The following PCDHA13 variants were observed in gnomAD, a reference collection of about 807,000 sequenced individuals.
The protein encoded by PCDHA13 is protocadherin alpha-13.
Under a neutral mutation model 64.8 loss-of-function variants are expected in PCDHA13, and 54 were observed. The observed-to-expected ratio is 0.83, with a 90% confidence interval of 0.67 to 1.04. The LOEUF is 1.04. PCDHA13 is among the 50% of genes least tolerant of loss of function. PCDHA13 has a pLI of 0.00. For missense variants in PCDHA13, 1,248 were observed against 1,254.3 expected (o/e 0.99, Z 0.08); for synonymous variants, 587 against 564.4 (o/e 1.04, Z -0.57).
At chr5:141,007,527 C>T (rs1184006315) in intron 3 of PCDHA13, among the ~76,000 whole-genome samples, 1 of 152,070 alleles carries the variant, frequency 6.6e-6, no homozygotes, top group Non-Finnish European at 1.5e-5. Flanking sequence ...GATATCTCGC[C>T]ACTGCACTCC....
At chr5:140,982,241 T>G in intron 2 of PCDHA13, 1 of 696,668 alleles carries the variant, frequency 1.4e-6, no homozygotes, top group South Asian at 3.3e-5. Context: ...AGAATTGCCA[T>G]AAAGATAGAA....
intron 1 of PCDHA13, among the ~76,000 whole-genome samples, chr5:140,903,060 T>C (rs1412957275): frequency 6.6e-6 from 1 of 152,316 alleles, no homozygotes; most frequent in East Asian, 1.9e-4. Flanking sequence ...TGACTTCTTT[T>C]CCTTTGGGTA....
intron 1 of PCDHA13, chr5:140,968,494 C>G (rs782064203): frequency 1.2e-6 from 2 of 1,614,096 alleles, no homozygotes; most frequent in South Asian, 2.2e-5. Flanking sequence ...ATGACCATGC[C>G]CCTCACATTC....
intron 1 of PCDHA13, among the ~76,000 whole-genome samples, chr5:140,951,349 T>C (rs1403359324): frequency 1.3e-5 from 2 of 152,144 alleles, no homozygotes; most frequent in Non-Finnish European, 2.9e-5. Flanking sequence ...GTTAGTCCAT[T>C]ATTGCACTGT....
intron 1 of PCDHA13, among the ~76,000 whole-genome samples, chr5:140,907,316 A>G (rs2073307783): frequency 6.6e-6 from 1 of 152,194 alleles, no homozygotes; most frequent in African/African-American, 2.4e-5. Flanking sequence ...GAACATGTAA[A>G]GACCAGTGAA....
chr5:140,962,806 A>G (rs2095710017), intron 1 of PCDHA13, among the ~76,000 whole-genome samples: 1 of 152,204 alleles, frequency 6.6e-6, no homozygotes, highest in Admixed American at 6.5e-5. Context: ...ACAACTCTAA[A>G]CATCAGAGAT....
intron 1 of PCDHA13, among the ~76,000 whole-genome samples, chr5:140,908,968 C>T (rs1201886997): frequency 6.6e-6 from 1 of 152,092 alleles, no homozygotes; most frequent in African/African-American, 2.4e-5. Flanking sequence ...TCTTGATAGG[C>T]CCCACTCCAC....
intron 1 of PCDHA13, chr5:140,927,673 G>C: frequency 6.2e-7 from 1 of 1,614,224 alleles, no homozygotes; most frequent in Non-Finnish European, 8.5e-7. Flanking sequence ...CTTGGATCCA[G>C]ATGAAGGGTC....
chr5:140,896,074 A>C (rs1251086240), intron 1 of PCDHA13, among the ~76,000 whole-genome samples: 1 of 151,976 alleles, frequency 6.6e-6, no homozygotes, highest in African/African-American at 2.4e-5. Context: ...GCCTCCCAAC[A>C]TGCTGGGATT....
intron 1 of PCDHA13, among the ~76,000 whole-genome samples, chr5:140,971,967 A>C (rs2096509788): frequency 6.6e-6 from 1 of 152,118 alleles, no homozygotes; most frequent in Non-Finnish European, 1.5e-5. Flanking sequence ...ACTTTTTTTC[A>C]ATACTATGAG....
chr5:140,890,732 TTA>T (rs2062774217), intron 1 of PCDHA13, among the ~76,000 whole-genome samples: 1 of 152,238 alleles, frequency 6.6e-6, no homozygotes, highest in Admixed American at 6.5e-5. Context: ...CCCTTTTGAC[TTA>T]TATACTATTT....
intron 1 of PCDHA13, among the ~76,000 whole-genome samples, chr5:140,896,760 T>C (rs562641955): frequency 1.3e-5 from 2 of 152,340 alleles, no homozygotes; most frequent in East Asian, 3.9e-4. Flanking sequence ...ATTAGACCTT[T>C]GTTGGATGCA....
chr5:140,979,058 C>A, intron 2 of PCDHA13, 51 bp downstream of exon 2: 3 of 1,606,096 alleles, frequency 1.9e-6, no homozygotes, highest in Non-Finnish European at 2.6e-6. Context: ...CTTGGTATGG[C>A]TCAGATAAAC....
chr5:140,990,808 C>G (rs537926285), intron 3 of PCDHA13, among the ~76,000 whole-genome samples: 18 of 152,212 alleles, frequency 1.2e-4, no homozygotes, highest in Non-Finnish European at 2.4e-4. Context: ...ACAGAAGAAG[C>G]TCCCTTCTCT....
intron 1 of PCDHA13, among the ~76,000 whole-genome samples, chr5:140,957,407 ATTG>A (rs2095357259): frequency 6.6e-6 from 1 of 152,156 alleles, no homozygotes; most frequent in Non-Finnish European, 1.5e-5. Context: ...ATTTATTATT[ATTG>A]TTGTTAATCT....
chr5:140,928,994 T>C, intron 1 of PCDHA13: 1 of 1,613,992 alleles, frequency 6.2e-7, no homozygotes. Context: ...TGCTTACTTT[T>C]CTTCGTGTGT....
intron 3 of PCDHA13, among the ~76,000 whole-genome samples, chr5:140,988,691 G>A (rs1205492528): frequency 6.6e-6 from 1 of 152,114 alleles, no homozygotes; most frequent in African/African-American, 2.4e-5. Context: ...TTCCCTAGAC[G>A]CTCTGTATTT....
chr5:140,888,748 T>C (rs782271029), intron 1 of PCDHA13, among the ~76,000 whole-genome samples: 13 of 152,122 alleles, frequency 8.5e-5, no homozygotes, highest in Admixed American at 7.9e-4. Flanking sequence ...GGAATTATTC[T>C]ACCCACTTTT....
At chr5:140,971,843 G>A (rs1250084892) in intron 1 of PCDHA13, among the ~76,000 whole-genome samples, 2 of 151,906 alleles carry the variant, frequency 1.3e-5, no homozygotes, top group African/African-American at 4.8e-5. Flanking sequence ...TGCAAGTCAT[G>A]CGTTAAATAT....
Sources: allele counts gnomAD v4.1 joint callset (sites outside exome capture counted in the v4.1 genomes callset), GRCh38; gene constraint gnomAD v4.1.1; transcripts MANE v1.5; gene names NCBI Gene and HGNC (gene_info 2026-07-23, HGNC 2026-07-21).